Variants in SGCZ observed in about 807,000 individuals in gnomAD.
SGCZ encodes the protein zeta-sarcoglycan.
Under a neutral mutation model 41.3 loss-of-function variants are expected in SGCZ, and 40 were observed. The ratio of observed to expected loss-of-function variants is 0.97; its 90% CI spans 0.75 to 1.26. The LOEUF is 1.26. SGCZ is among the 50% of genes most tolerant of loss of function. The pLI is 0.00. For missense variants in SGCZ, 552 were observed against 369.8 expected, an observed-to-expected ratio of 1.49 and a Z score of -4.04; for synonymous variants, 206 against 137.5, an observed-to-expected ratio of 1.50 and a Z score of -3.49.
chr8:14,359,714 G>A (rs949196817), intron 2 of SGCZ, among the ~76,000 whole-genome samples: 2 of 150,618 alleles, frequency 1.3e-5, no homozygotes, highest in African/African-American at 4.9e-5. Flanking sequence ...AACTAATATC[G>A]ATTCTACTCA....
chr8:14,230,854 T>C (rs1448943294), intron 4 of SGCZ, among the ~76,000 whole-genome samples: 1 of 151,862 alleles, frequency 6.6e-6, no homozygotes, highest in African/African-American at 2.4e-5. Context: ...AATTTTGGAA[T>C]AACTTAAATT....
intron 1 of SGCZ, among the ~76,000 whole-genome samples, chr8:15,153,986 C>T (rs1799253521): frequency 6.6e-6 from 1 of 152,072 alleles, no homozygotes; most frequent in Non-Finnish European, 1.5e-5. Context: ...AGAATGCAAC[C>T]TAGATCCCTC....
chr8:15,178,781 A>G (rs562217119), intron 1 of SGCZ, among the ~76,000 whole-genome samples: 1 of 143,084 alleles, frequency 7.0e-6, no homozygotes, highest in South Asian at 2.2e-4. Context: ...AGACTGAGCA[A>G]AGTTACGAAG....
At chr8:14,768,368 C>T (rs73531169) in intron 1 of SGCZ, among the ~76,000 whole-genome samples, 1 of 152,092 alleles carries the variant, frequency 6.6e-6, no homozygotes, top group Admixed American at 6.6e-5. Context: ...ATGTTGCGTC[C>T]TATAGTGATA....
intron 2 of SGCZ, among the ~76,000 whole-genome samples, chr8:14,542,899 CT>C (rs1250242062): frequency 1.3e-5 from 2 of 151,462 alleles, no homozygotes; most frequent in South Asian, 2.1e-4. Flanking sequence ...CTACTATTAC[CT>C]TTTTTTTAAC....
intron 2 of SGCZ, among the ~76,000 whole-genome samples, chr8:14,377,612 C>A (rs1163848487): frequency 6.6e-6 from 1 of 151,558 alleles, no homozygotes. Flanking sequence ...ATGTGCCATG[C>A]TGGTGTGCTG....
chr8:14,764,649 G>A (rs1799987504), intron 1 of SGCZ, among the ~76,000 whole-genome samples: 1 of 152,122 alleles, frequency 6.6e-6, no homozygotes, highest in African/African-American at 2.4e-5. Flanking sequence ...CAGGGTTGGA[G>A]GGGTCATCGC....
At chr8:14,609,235 TG>T (rs1320037457) in intron 1 of SGCZ, among the ~76,000 whole-genome samples, 1 of 152,176 alleles carries the variant, frequency 6.6e-6, no homozygotes, top group East Asian at 1.9e-4. Context: ...AATTTTTGCC[TG>T]GGGTTATGTT....
chr8:15,059,700 G>A (rs1804844769), intron 1 of SGCZ, among the ~76,000 whole-genome samples: 1 of 152,128 alleles, frequency 6.6e-6, no homozygotes, highest in African/African-American at 2.4e-5. Flanking sequence ...TTGAATTTCT[G>A]AACATAATGA....
chr8:14,465,304 T>C (rs186194094), intron 2 of SGCZ, among the ~76,000 whole-genome samples: 2 of 151,844 alleles, frequency 1.3e-5, no homozygotes, highest in Admixed American at 6.6e-5. Flanking sequence ...TTGGACATTT[T>C]AGTAGTATAT....
intron 1 of SGCZ, among the ~76,000 whole-genome samples, chr8:15,012,929 G>A (rs1374331830): frequency 1.3e-5 from 2 of 151,582 alleles, no homozygotes; most frequent in African/African-American, 4.8e-5. Flanking sequence ...ATGTACTGGT[G>A]AATGATCAGG....
chr8:15,228,961 A>C (rs2124968), intron 1 of SGCZ, among the ~76,000 whole-genome samples: 1 of 152,216 alleles, frequency 6.6e-6, no homozygotes, highest in Non-Finnish European at 1.5e-5. Context: ...TGGGAGGCCA[A>C]GGCGGGTGGA....
intron 4 of SGCZ, among the ~76,000 whole-genome samples, chr8:14,220,213 C>T (rs1806144419): frequency 6.6e-6 from 1 of 152,052 alleles, no homozygotes; most frequent in Admixed American, 6.5e-5. Flanking sequence ...GAACTGAAAA[C>T]TTCAATAGGA....
At chr8:14,971,469 T>C (rs1801294898) in intron 1 of SGCZ, among the ~76,000 whole-genome samples, 1 of 151,978 alleles carries the variant, frequency 6.6e-6, no homozygotes, top group African/African-American at 2.4e-5. Context: ...TCCTGAGAAT[T>C]TTTATCAGGA....
intron 1 of SGCZ, among the ~76,000 whole-genome samples, chr8:14,782,449 A>G (rs1800620512): frequency 6.6e-6 from 1 of 152,150 alleles, no homozygotes; most frequent in African/African-American, 2.4e-5. Context: ...TTTAGTATCC[A>G]TCTAACTTCT....
intron 4 of SGCZ, among the ~76,000 whole-genome samples, chr8:14,219,527 T>C (rs1806116779): frequency 6.6e-6 from 1 of 152,122 alleles, no homozygotes; most frequent in East Asian, 1.9e-4. Flanking sequence ...AGCGGGCAGA[T>C]CACAAGGTCA....
intron 1 of SGCZ, among the ~76,000 whole-genome samples, chr8:14,905,025 C>A (rs1187319122): frequency 6.6e-6 from 1 of 151,838 alleles, no homozygotes; most frequent in East Asian, 1.9e-4. Context: ...CTATAAAAGA[C>A]AATATTATTG....
At chr8:14,606,228 C>A (rs1805744517) in intron 1 of SGCZ, among the ~76,000 whole-genome samples, 1 of 152,092 alleles carries the variant, frequency 6.6e-6, no homozygotes, top group African/African-American at 2.4e-5. Context: ...CCTTATCTTA[C>A]AGATAATTTG....
intron 1 of SGCZ, among the ~76,000 whole-genome samples, chr8:14,799,077 G>A (rs1234963687): frequency 6.6e-6 from 1 of 151,670 alleles, no homozygotes; most frequent in African/African-American, 2.4e-5. Context: ...TTATTTTTAT[G>A]TAAATATTAA....
Sources: allele counts gnomAD v4.1 joint callset (sites outside exome capture counted in the v4.1 genomes callset), GRCh38; gene constraint gnomAD v4.1.1; transcripts MANE v1.5; gene names NCBI Gene and HGNC (gene_info 2026-07-23, HGNC 2026-07-21).